The following PDE1A variants were observed in gnomAD, a reference collection of about 807,000 sequenced individuals.
PDE1A encodes the protein phosphodiesterase 1A.
A neutral mutation model predicts 61.7 loss-of-function variants in PDE1A; 35 were observed. That is an observed-to-expected ratio of 0.57 (90% CI 0.43 to 0.75). The LOEUF (loss-of-function observed/expected upper bound fraction) is 0.75. Ranked by LOEUF, PDE1A falls within the 30% of genes least tolerant of loss-of-function variation. The pLI is 0.00. For missense variants in PDE1A, 597 were observed against 630.6 expected (o/e 0.95, Z 0.57); for synonymous variants, 232 against 213.2 (o/e 1.09, Z -0.77).
intron 2 of PDE1A, among the ~76,000 whole-genome samples, chr2:182,263,072 C>T (rs879045602): frequency 2.6e-5 from 4 of 151,936 alleles, no homozygotes; most frequent in Admixed American, 6.6e-5. Flanking sequence ...TTTAACATTG[C>T]TCATCTTCCC....
intron 1 of PDE1A, among the ~76,000 whole-genome samples, chr2:182,378,190 T>C (rs1334104156): frequency 6.6e-6 from 1 of 152,142 alleles, no homozygotes; most frequent in African/African-American, 2.4e-5. Context: ...CAAAACAACA[T>C]GAATTATCTC....
chr2:182,587,038 A>G, the PDE1A span, among the ~76,000 whole-genome samples: 3 of 152,216 alleles, frequency 2.0e-5, no homozygotes, highest in African/African-American at 7.2e-5. Context: ...AAAGGCACTT[A>G]AGCACATACA....
chr2:182,615,152 T>C, the PDE1A span, among the ~76,000 whole-genome samples: 1 of 152,212 alleles, frequency 6.6e-6, no homozygotes, highest in Non-Finnish European at 1.5e-5. Flanking sequence ...ATGTGTGACA[T>C]TGTTACATAA....
At chr2:182,542,964 T>C in the PDE1A span, among the ~76,000 whole-genome samples, 1 of 152,238 alleles carries the variant, frequency 6.6e-6, no homozygotes, top group Non-Finnish European at 1.5e-5. Context: ...TTATCATTGA[T>C]GTACCTTGCT....
chr2:182,233,984 T>C (rs73977314), intron 4 of PDE1A, among the ~76,000 whole-genome samples: 5,495 of 152,288 alleles, frequency 0.036, 338 homozygotes, highest in African/African-American at 0.12. Flanking sequence ...TTACATTTTG[T>C]ATTTTTTCAG....
At chr2:182,543,188 T>C in the PDE1A span, among the ~76,000 whole-genome samples, 1 of 152,196 alleles carries the variant, frequency 6.6e-6, no homozygotes, top group Non-Finnish European at 1.5e-5. Context: ...ATAGCTCAGA[T>C]ATAGAAATAT....
chr2:182,518,587 C>T (rs1384593585), intron 2 of PDE1A, among the ~76,000 whole-genome samples: 1 of 152,070 alleles, frequency 6.6e-6, no homozygotes, highest in East Asian at 1.9e-4. Flanking sequence ...GTAAAATTAG[C>T]GATCAGATAT....
chr2:182,665,031 G>A, the PDE1A span, among the ~76,000 whole-genome samples: 2 of 152,138 alleles, frequency 1.3e-5, no homozygotes, highest in Admixed American at 6.5e-5. Context: ...CAATGTTCTT[G>A]AAAATTTTTA....
intron 1 of PDE1A, among the ~76,000 whole-genome samples, chr2:182,411,877 G>T (rs148974188): frequency 6.6e-6 from 1 of 152,066 alleles, no homozygotes; most frequent in South Asian, 2.1e-4. Context: ...GGCCAACATA[G>T]TGAAACCCCG....
intron 2 of PDE1A, among the ~76,000 whole-genome samples, chr2:182,490,595 G>A (rs551441054): frequency 6.6e-6 from 1 of 151,614 alleles, no homozygotes. Flanking sequence ...GGATGGTCTC[G>A]ATCTCCTGAA....
the PDE1A span, among the ~76,000 whole-genome samples, chr2:182,555,619 T>C: frequency 6.6e-6 from 1 of 152,122 alleles, no homozygotes; most frequent in Non-Finnish European, 1.5e-5. Flanking sequence ...TCAGAAAATG[T>C]TTGAAATGTC....
At chr2:182,540,021 C>G in the PDE1A span, among the ~76,000 whole-genome samples, 1 of 152,134 alleles carries the variant, frequency 6.6e-6, no homozygotes, top group East Asian at 1.9e-4. Flanking sequence ...AGACATTGAC[C>G]TAAAGTTCCA....
the PDE1A span, among the ~76,000 whole-genome samples, chr2:182,536,547 G>A: frequency 6.6e-6 from 1 of 152,106 alleles, no homozygotes; most frequent in African/African-American, 2.4e-5. Flanking sequence ...CCTTTATAGG[G>A]CTTATATTCT....
rs939798955 is a variant in PDE1A, at chr2:182,209,351, A to T, written c.777-3286T>A. On this transcript the variant is annotated intron_variant, in intron 7 of 13. Transcript: ENST00000351439. ...GAACAGTATGGGGGAAACCACCCCC[A>T]TGATTCAATTATCTCCCACTGGGTC... Among the ~76,000 whole-genome samples the T allele has an allele frequency of 2.0e-5, 3 of 151,968 alleles. No individual in the cohort carries two copies. In the East Asian group the frequency reaches 5.9e-4, roughly 30 times the overall value.
the PDE1A span, among the ~76,000 whole-genome samples, chr2:182,705,552 C>G: frequency 7.2e-5 from 11 of 151,834 alleles, no homozygotes; most frequent in African/African-American, 2.4e-4. Flanking sequence ...GTCACCAAGG[C>G]TGGAGTGGAG....
At chr2:182,516,654 G>GAGAA in intron 2 of PDE1A, among the ~76,000 whole-genome samples, 1 of 139,544 alleles carries the variant, frequency 7.2e-6, no homozygotes, top group South Asian at 2.4e-4. Context: ...GAAAGAAAGA[G>GAGAA]AGAAAGAGAG....
chr2:182,471,552 A>T (rs1195452609), intron 2 of PDE1A, among the ~76,000 whole-genome samples: 1 of 151,744 alleles, frequency 6.6e-6, no homozygotes, highest in East Asian at 1.9e-4. Context: ...TACCAACCCA[A>T]TTCCTTTTAC....
At chr2:182,539,621 C>T in the PDE1A span, among the ~76,000 whole-genome samples, 5 of 152,214 alleles carry the variant, frequency 3.3e-5, no homozygotes, top group African/African-American at 1.2e-4. Context: ...ATATACATCA[C>T]ATCCCATACT....
chr2:182,147,190 A>G (rs1157518461), intron 13 of PDE1A, 38 bp from the exon 14 acceptor site: 3 of 1,286,566 alleles, frequency 2.3e-6, no homozygotes, highest in Non-Finnish European at 3.3e-6. Flanking sequence ...ACAAAACAAA[A>G]TAAGGCTTTG....
Sources: allele counts gnomAD v4.1 joint callset (sites outside exome capture counted in the v4.1 genomes callset), GRCh38; gene constraint gnomAD v4.1.1; transcripts MANE v1.5; gene names NCBI Gene and HGNC (gene_info 2026-07-23, HGNC 2026-07-21).